Variants in LRP1B observed in about 807,000 individuals in gnomAD.
LRP1B encodes low-density lipoprotein receptor-related protein 1B.
A neutral mutation model predicts 556.6 loss-of-function variants in LRP1B; 217 were observed. That is an observed-to-expected ratio of 0.39 (90% CI 0.35 to 0.44). LRP1B has a LOEUF of 0.44. Ranked by LOEUF, LRP1B falls within the 20% of genes least tolerant of loss-of-function variation. The pLI is 1.00. For missense variants in LRP1B, 5,053 were observed against 5,620.8 expected (o/e 0.90, Z 3.23); for synonymous variants, 2,047 against 1,865.8 (o/e 1.10, Z -2.50).
At chr2:141,114,159 AGG>A (rs1700822433) in intron 7 of LRP1B, among the ~76,000 whole-genome samples, 1 of 152,232 alleles carries the variant, frequency 6.6e-6, no homozygotes, top group Non-Finnish European at 1.5e-5. Flanking sequence ...GGGGGCACAC[AGG>A]CAGGCAGGTG....
chr2:142,108,687 C>A (rs1441846554), intron 1 of LRP1B, among the ~76,000 whole-genome samples: 1 of 152,146 alleles, frequency 6.6e-6, no homozygotes, highest in Non-Finnish European at 1.5e-5. Context: ...CTTGGACATT[C>A]AACAGTTTTG....
intron 2 of LRP1B, among the ~76,000 whole-genome samples, chr2:141,504,127 G>A (rs1411367510): frequency 6.6e-6 from 1 of 152,076 alleles, no homozygotes; most frequent in Non-Finnish European, 1.5e-5. Context: ...TCTGCTTGCT[G>A]ACACACTCGT....
chr2:141,153,189 T>C (rs542110093), intron 7 of LRP1B, among the ~76,000 whole-genome samples: 1 of 141,874 alleles, frequency 7.0e-6, no homozygotes, highest in Non-Finnish European at 1.5e-5. Context: ...ATTTGTTTCC[T>C]ACCAGGATGT....
rs758446288 is a variant in LRP1B, at chr2:141,015,661, C to T, written c.2190+35G>A. 3.3e-6 allele frequency: 5 copies of T among 1,496,676 alleles called. No homozygotes were observed. The African/African-American group carries it at 5.5e-5, about 17-fold the overall frequency. 92.7% of individuals were successfully genotyped at this position (1,496,676 alleles called of 1,614,324 possible). On this transcript the variant is annotated intron_variant, in intron 13 of 90. Coordinates refer to ENST00000389484, the MANE Select transcript of LRP1B (RefSeq NM_018557.3). ...AACAAGGCTCTGTGAAAAAAAGAAGCCTGTGGGTTAAAAACAGCAGCATTT... is the reference window on the plus strand; with the variant it reads ...AACAAGGCTCTGTGAAAAAAAGAAGTCTGTGGGTTAAAAACAGCAGCATTT...
chr2:140,798,230 C>T (rs1465455232), intron 32 of LRP1B, among the ~76,000 whole-genome samples: 1 of 152,028 alleles, frequency 6.6e-6, no homozygotes, highest in African/African-American at 2.4e-5. Flanking sequence ...ATGATAGTCA[C>T]TTGATAAATT....
chr2:141,695,256 C>T (rs1014186901), intron 2 of LRP1B, among the ~76,000 whole-genome samples: 4 of 151,948 alleles, frequency 2.6e-5, no homozygotes, highest in African/African-American at 9.7e-5. Flanking sequence ...GGCAATTTGA[C>T]ATATTCTGAT....
intron 2 of LRP1B, among the ~76,000 whole-genome samples, chr2:141,661,221 G>A (rs1042001432): frequency 1.3e-5 from 2 of 152,140 alleles, no homozygotes; most frequent in African/African-American, 4.8e-5. Context: ...AAGACGAAAA[G>A]GAATCCACGA....
chr2:141,959,020 A>G (rs531971179), intron 1 of LRP1B, among the ~76,000 whole-genome samples: 3 of 152,176 alleles, frequency 2.0e-5, no homozygotes, highest in African/African-American at 7.2e-5. Context: ...TAAATTAATA[A>G]GTAAATTAAT....
intron 1 of LRP1B, among the ~76,000 whole-genome samples, chr2:141,864,664 G>A (rs558991515): frequency 6.6e-6 from 1 of 151,734 alleles, no homozygotes; most frequent in African/African-American, 2.4e-5. Context: ...GGCAGATCAC[G>A]AGGTCAGGAG....
chr2:141,171,327 C>T (rs1052407947), intron 7 of LRP1B, among the ~76,000 whole-genome samples: 6 of 152,190 alleles, frequency 3.9e-5, no homozygotes, highest in African/African-American at 1.4e-4. Flanking sequence ...TCTCAGTACT[C>T]CACCTATTCA....
chr2:140,702,584 A>G (rs1389208707), intron 37 of LRP1B, 31 bp from the exon 38 acceptor site: 1 of 1,606,590 alleles, frequency 6.2e-7, no homozygotes, highest in Non-Finnish European at 8.5e-7. Flanking sequence ...TGTAGTGTTT[A>G]TGTACATTTA....
At chr2:140,626,896 A>T (rs1683683669) in intron 41 of LRP1B, among the ~76,000 whole-genome samples, 2 of 152,178 alleles carry the variant, frequency 1.3e-5, no homozygotes, top group Non-Finnish European at 2.9e-5. Context: ...CTACCTTTAA[A>T]CTGTTATGGT....
chr2:140,287,056 A>G (rs560510491), intron 84 of LRP1B, among the ~76,000 whole-genome samples: 6 of 151,938 alleles, frequency 3.9e-5, no homozygotes, highest in Non-Finnish European at 8.8e-5. Context: ...TACACGATTA[A>G]AAAAGAATAT....
At chr2:141,880,123 ATT>A (rs1323329496) in intron 1 of LRP1B, among the ~76,000 whole-genome samples, 6 of 151,934 alleles carry the variant, frequency 3.9e-5, no homozygotes, top group Non-Finnish European at 8.8e-5. Context: ...TATTCTCTCC[ATT>A]CTCTCTCTGA....
intron 6 of LRP1B, among the ~76,000 whole-genome samples, chr2:141,226,299 T>G (rs1683246879): frequency 6.6e-6 from 1 of 152,158 alleles, no homozygotes; most frequent in Non-Finnish European, 1.5e-5. Flanking sequence ...CTAATACATC[T>G]GAACTTTGAG....
At chr2:141,622,217 T>A (rs1411534048) in intron 2 of LRP1B, among the ~76,000 whole-genome samples, 2 of 152,288 alleles carry the variant, frequency 1.3e-5, no homozygotes, top group East Asian at 3.9e-4. Flanking sequence ...TAGCAAGGGA[T>A]TTAACTAATT....
intron 55 of LRP1B, among the ~76,000 whole-genome samples, chr2:140,497,000 A>G (rs1574005383): frequency 1.3e-5 from 2 of 151,684 alleles, no homozygotes; most frequent in Admixed American, 6.6e-5. Flanking sequence ...ATATATGTCC[A>G]TATTAATAAA....
chr2:140,741,004 T>A lies in LRP1B; in HGVS notation c.5759-24188A>T, dbSNP rs405026. ...ACTCAGCCCATAATAGGTATCTTCA[T>A]GCCTCTCAGAGATTATTTGTAATCC... On this transcript the variant is annotated intron_variant, in intron 35 of 90. Coordinates refer to ENST00000389484, the MANE Select transcript of LRP1B (RefSeq NM_018557.3). 3.9e-5 allele frequency among the ~76,000 whole-genome samples: 6 copies of A among 152,316 alleles called. No homozygotes were observed. In the South Asian group the frequency reaches 1.2e-3, roughly 32 times the overall value.
chr2:140,285,805 T>G (rs1683122296), intron 84 of LRP1B, among the ~76,000 whole-genome samples: 1 of 149,864 alleles, frequency 6.7e-6, no homozygotes, highest in South Asian at 2.1e-4. Flanking sequence ...AAAATCATCC[T>G]CATAAATTGT....
Sources: allele counts gnomAD v4.1 joint callset (sites outside exome capture counted in the v4.1 genomes callset), GRCh38; gene constraint gnomAD v4.1.1; transcripts MANE v1.5; gene names NCBI Gene and HGNC (gene_info 2026-07-23, HGNC 2026-07-21).